The following KLHL24 variants were observed in gnomAD, a reference collection of about 807,000 sequenced individuals.
KLHL24 encodes the protein kelch like family member 24.
In KLHL24, 29 loss-of-function variants were observed where a neutral mutation model predicts 53.4. The observed-to-expected ratio is 0.54, with a 90% CI of 0.40 to 0.74. The LOEUF (loss-of-function observed/expected upper bound fraction) is 0.74, where lower values mean the gene tolerates loss of function less well. Among genes scored for constraint, KLHL24 ranks in the 30% least tolerant of loss-of-function variants. The pLI, the probability that KLHL24 is intolerant of heterozygous loss-of-function variation, is 0.00. For synonymous variants in KLHL24, 222 were observed against 253.7 expected (o/e 0.88, Z 1.19); for missense variants, 504 against 744.0 (o/e 0.68, Z 3.75).
At chr3:183,636,240 C>T (rs1715143807) in intron 1 of KLHL24, 1 of 152,312 alleles carries the variant, frequency 6.6e-6, no homozygotes, top group Non-Finnish European at 1.5e-5. Flanking sequence ...GGGAGTGCGA[C>T]CGCCTCAAAT....
intron 3 of KLHL24, 49 bp downstream of exon 3, chr3:183,651,325 T>G: frequency 7.4e-7 from 1 of 1,346,316 alleles, no homozygotes; most frequent in Non-Finnish European, 1.0e-6. Context: ...TTAATATATC[T>G]TTAAACCTCC....
chr3:183,651,705 A>T (rs1718145519), intron 3 of KLHL24, among the ~76,000 whole-genome samples: 1 of 152,214 alleles, frequency 6.6e-6, no homozygotes, highest in Admixed American at 6.5e-5. Context: ...CTATAATCCC[A>T]GTACTTTGGG....
intron 3 of KLHL24, among the ~76,000 whole-genome samples, chr3:183,657,978 C>T (rs897641004): frequency 1.3e-5 from 2 of 151,984 alleles, no homozygotes; most frequent in African/African-American, 4.8e-5. Flanking sequence ...TTTGGGAGGC[C>T]GAGGTGGGCA....
At chr3:183,664,046 C>G (rs1304072474) in intron 4 of KLHL24, 1 of 152,200 alleles carries the variant, frequency 6.6e-6, no homozygotes, top group Non-Finnish European at 1.5e-5. Context: ...AAGCCGAGAT[C>G]GCGCCACTGC....
intron 1 of KLHL24, among the ~76,000 whole-genome samples, chr3:183,637,370 G>A (rs1480667510): frequency 1.3e-5 from 2 of 152,144 alleles, no homozygotes; most frequent in Non-Finnish European, 2.9e-5. Flanking sequence ...TTCCATACTC[G>A]GCTCGGATGA....
chr3:183,647,027 G>C (rs545225774), intron 2 of KLHL24, among the ~76,000 whole-genome samples: 321 of 148,336 alleles, frequency 2.2e-3, no homozygotes, highest in African/African-American at 7.2e-3. Context: ...TAGCTAGGAT[G>C]GTCTCGATTT....
intron 1 of KLHL24, among the ~76,000 whole-genome samples, chr3:183,640,872 C>T (rs1212250221): frequency 6.6e-6 from 1 of 151,916 alleles, no homozygotes; most frequent in Non-Finnish European, 1.5e-5. Context: ...AGTGCTGGGA[C>T]TGCAGGCGTG....
intron 7 of KLHL24, among the ~76,000 whole-genome samples, chr3:183,678,788 G>C (rs757992482): frequency 2.0e-5 from 3 of 152,110 alleles, no homozygotes; most frequent in Non-Finnish European, 4.4e-5. Context: ...TTCTGTTCCT[G>C]TGTAAGTTTG....
chr3:183,669,638 C>A (rs1195879177), intron 5 of KLHL24, among the ~76,000 whole-genome samples: 1 of 152,000 alleles, frequency 6.6e-6, no homozygotes, highest in African/African-American at 2.4e-5. Context: ...TGGGGGTGCA[C>A]AGAAAGATAA....
Position 183,650,547 on chromosome 3 carries a change from T to C in KLHL24, c.191T>C (p.Leu64Ser). The C allele has an allele frequency of 6.2e-7, 1 of 1,614,152 alleles. No individual in the cohort carries two copies. The highest frequency in any genetic ancestry group is 8.5e-7 in the Non-Finnish European group (1 of 1,179,956). Residue 64 changes from leucine to serine, a missense_variant, in exon 3 of 8, where the codon TTA becomes TCA. Leu to Ser is a moderately radical substitution (Grantham distance 145). Coordinates refer to ENST00000242810, the MANE Select transcript of KLHL24 (RefSeq NM_017644.3). The surrounding 1 kb of genome is among the most constrained non-coding windows in gnomAD (Gnocchi z 4.5). ...QIFNEFRDSR[L>S]FTDVIICVEG... ...TTTAATGAATTTCGTGATAGCCGCT[T>C]ATTCACAGATGTTATCATTTGTGTG...
intron 5 of KLHL24, among the ~76,000 whole-genome samples, chr3:183,670,819 T>A (rs1001985149): frequency 1.3e-5 from 2 of 152,224 alleles, no homozygotes; most frequent in African/African-American, 4.8e-5. Context: ...GGGAAGACTA[T>A]TAGGAAGAAA....
At chr3:183,677,898 TCTC>T (rs1182164671) in intron 7 of KLHL24, among the ~76,000 whole-genome samples, 1 of 152,070 alleles carries the variant, frequency 6.6e-6, no homozygotes, top group African/African-American at 2.4e-5. Context: ...TTCAAGCAAT[TCTC>T]CTGCCTCAGC....
In KLHL24 at chr3:183,684,175, C is replaced by T. The variant is rs924163316; in HGVS notation, c.*4889C>T. 1 of 152,148 alleles carries T rather than the reference C, an allele frequency of 6.6e-6. No individual in the cohort carries two copies. The highest frequency in any genetic ancestry group is 2.4e-5 in the African/African-American group (1 of 41,420). 9.4% of individuals were successfully genotyped at this position (152,148 alleles called of 1,614,324 possible). ...GAAAAAGCACTTACTCTCCCCTTCC[C>T]TATCACCCCTCCCCCAAGGTTTCTT... is the stretch of plus-strand genomic sequence containing the variant. On this transcript the variant is annotated 3_prime_UTR_variant, in exon 8 of 8. Coordinates refer to ENST00000242810, the MANE Select transcript of KLHL24 (RefSeq NM_017644.3).
At chr3:183,678,024 C>T (rs1330965252) in intron 7 of KLHL24, among the ~76,000 whole-genome samples, 1 of 152,172 alleles carries the variant, frequency 6.6e-6, no homozygotes, top group African/African-American at 2.4e-5. Context: ...AACTCTTGAT[C>T]TCAAGTGATC....
chr3:183,673,189 G>A (rs1470026474), intron 7 of KLHL24, among the ~76,000 whole-genome samples: 1 of 152,108 alleles, frequency 6.6e-6, no homozygotes, highest in Non-Finnish European at 1.5e-5. Context: ...CTGGGCAACA[G>A]AGTGAGACTC....
Position 183,663,655 on chromosome 3 carries a change from T to C in KLHL24, c.1105+13T>C, listed in dbSNP as rs1720105498. 1 of 1,460,746 alleles carries C rather than the reference T, an allele frequency of 6.8e-7. No homozygotes were observed. Among genetic ancestry groups the C allele is most frequent in the African/African-American group, 1.4e-5 (1 of 70,326 alleles). 90.5% of individuals were successfully genotyped at this position (1,460,746 alleles called of 1,614,324 possible). A position where few individuals can be genotyped will look rare whatever the true frequency, so the allele number is the denominator to read the frequency against. On this transcript the variant is annotated intron_variant, in intron 4 of 7. Transcript: ENST00000242810. The surrounding 1 kb of genome is among the most constrained non-coding windows in gnomAD (Gnocchi z 4.9). The stretch of plus-strand genomic sequence containing the variant: ...ATTCTTGTTTCAGGTAAATATAGAA[T>C]TATTACAGTAGCTACTTTTAATTTG...
intron 1 of KLHL24, among the ~76,000 whole-genome samples, chr3:183,641,681 T>C (rs756458819): frequency 3.5e-4 from 54 of 152,260 alleles, no homozygotes; most frequent in Admixed American, 1.1e-3. Flanking sequence ...TTAGGGGCCA[T>C]GCTAGTCAGG....
At chr3:183,637,389 C>T (rs1362057021) in intron 1 of KLHL24, among the ~76,000 whole-genome samples, 1 of 152,094 alleles carries the variant, frequency 6.6e-6, no homozygotes, top group Non-Finnish European at 1.5e-5. Flanking sequence ...GAGTTGTTTT[C>T]CTTGTTTGAG....
At chr3:183,675,784 A>G (rs1451368154) in intron 7 of KLHL24, among the ~76,000 whole-genome samples, 2 of 152,114 alleles carry the variant, frequency 1.3e-5, no homozygotes, top group African/African-American at 4.8e-5. Flanking sequence ...ATTTAAAAAA[A>G]AAAGAAAGAA....
Sources: gnomAD v4.1 joint callset for allele counts (sites outside exome capture counted in the v4.1 genomes callset) on GRCh38, gnomAD v4.1.1 for gene constraint, Gnocchi (gnomAD v3.1) non-coding constraint, MANE v1.5 for transcripts, NCBI Gene and HGNC (gene_info 2026-07-23, HGNC 2026-07-21) for gene names.